SMG7: variants seen among roughly 807,000 people sequenced by gnomAD.
SMG7 encodes the protein SMG7 nonsense mediated mRNA decay factor.
A neutral mutation model predicts 148.2 loss-of-function variants in SMG7; 34 were observed. That is an observed-to-expected ratio of 0.23 (90% CI 0.17 to 0.31). The LOEUF (loss-of-function observed/expected upper bound fraction) is 0.31. Ranked by LOEUF, SMG7 falls within the 10% of genes least tolerant of loss-of-function variation. The pLI is 1.00. For synonymous variants in SMG7, 492 were observed against 515.1 expected (o/e 0.96, Z 0.61); for missense variants, 1,114 against 1,408.4 (o/e 0.79, Z 3.35).
At position 183,542,480 on chromosome 1, in the gene SMG7, G is replaced by A. The variant is rs1669049356; in HGVS notation, c.1820G>A (p.Gly607Glu). 1 of 1,613,340 alleles carries A rather than the reference G, an allele frequency of 6.2e-7. No homozygotes were observed. The highest frequency in any genetic ancestry group is 8.5e-7 in the Non-Finnish European group (1 of 1,179,764). Reference sequence around the variant, plus strand: ...ACCTTAGAAAAGTTACAGGAAACAGGAAAGCAGAATGTGGCAGTGCAGGTA... The same window carrying A: ...ACCTTAGAAAAGTTACAGGAAACAGAAAAGCAGAATGTGGCAGTGCAGGTA... Reference protein sequence around the residue: ...KCTLEKLQETGKQNVAVQVKS... With the variant: ...KCTLEKLQETEKQNVAVQVKS... Residue 607 changes from glycine (G) to glutamate (E), a missense_variant, in exon 14 of 23, where the codon GGA (glycine) becomes GAA (glutamate). Around this residue, in one of 4 missense-constraint regions of SMG7, gnomAD observed 788 missense variants for 894.5 expected, o/e 0.88. Coordinates refer to ENST00000688051, the MANE Select transcript of SMG7 (RefSeq NM_001375584.1).
chr1:183,508,187 A>C (rs1661352196), intron 1 of SMG7: 1 of 929,278 alleles, frequency 1.1e-6, no homozygotes, highest in African/African-American at 1.8e-5. Flanking sequence ...ATTGAGGTAT[A>C]GTATTTTTTT....
chr1:183,541,222 AAT>A, intron 13 of SMG7, 119 bp downstream of exon 13: 1 of 873,178 alleles, frequency 1.1e-6, no homozygotes, highest in Non-Finnish European at 1.8e-6. Context: ...CTTTGGTATA[AAT>A]ATTGTCAATC....
intron 1 of SMG7, among the ~76,000 whole-genome samples, chr1:183,477,730 A>G (rs1396980827): frequency 1.3e-5 from 2 of 150,080 alleles, no homozygotes; most frequent in African/African-American, 5.1e-5. Flanking sequence ...ATGTGTATAT[A>G]TGCATATATA....
At chr1:183,475,559 T>C (rs1215377472) in intron 1 of SMG7, among the ~76,000 whole-genome samples, 1 of 152,224 alleles carries the variant, frequency 6.6e-6, no homozygotes, top group Non-Finnish European at 1.5e-5. Context: ...GTAAGGTTGT[T>C]AGAGCCTGAC....
At position 183,542,317 on chromosome 1, in the gene SMG7, A is replaced by G; in HGVS notation, c.1657A>G (p.Thr553Ala). 1 of 1,614,136 alleles carries G rather than the reference A, an allele frequency of 6.2e-7. No individual in the cohort carries two copies. ...GGTTACCTTCAAAGAAAACATTAAG[A>G]CACGAGAAGTGAACAGAGACCAAGG... Reference protein sequence around the residue: ...PVVTFKENIKTREVNRDQGRS... With the variant: ...PVVTFKENIKAREVNRDQGRS... Residue 553 changes from threonine (T) to alanine (A), a missense_variant, in exon 14 of 23, where the codon ACA becomes GCA. By Grantham distance (58) the Thr-to-Ala change is moderately conservative. Around this residue, in one of 4 missense-constraint regions of SMG7, gnomAD observed 788 missense variants for 894.5 expected, o/e 0.88. Transcript: ENST00000688051.
At chr1:183,503,368 T>A (rs924419395) in intron 1 of SMG7, among the ~76,000 whole-genome samples, 12 of 152,224 alleles carry the variant, frequency 7.9e-5, no homozygotes, top group Non-Finnish European at 1.8e-4. Context: ...GGTCCAATTT[T>A]AAAAATGTAT....
intron 3 of SMG7, among the ~76,000 whole-genome samples, chr1:183,517,106 G>A (rs1411928792): frequency 6.6e-6 from 1 of 152,068 alleles, no homozygotes; most frequent in Non-Finnish European, 1.5e-5. Context: ...CAGGATTTTG[G>A]TATGCCATAT....
At chr1:183,482,894 TAAG>T (rs1654520451) in intron 1 of SMG7, among the ~76,000 whole-genome samples, 1 of 152,198 alleles carries the variant, frequency 6.6e-6, no homozygotes, top group East Asian at 1.9e-4. Flanking sequence ...CACCTTGAGA[TAAG>T]GAGGTAGAAT....
At chr1:183,497,548 T>G (rs1658784024) in intron 1 of SMG7, among the ~76,000 whole-genome samples, 1 of 152,152 alleles carries the variant, frequency 6.6e-6, no homozygotes, top group Admixed American at 6.5e-5. Flanking sequence ...TCTGGTTTAA[T>G]TTGTTAAATT....
chr1:183,474,711 T>C (rs1309135304), intron 1 of SMG7, among the ~76,000 whole-genome samples: 1 of 152,264 alleles, frequency 6.6e-6, no homozygotes, highest in Non-Finnish European at 1.5e-5. Context: ...AGTTGTTTTG[T>C]TGATCACCTG....
In SMG7 at chr1:183,540,968, C is replaced by G; in HGVS notation, c.1296-16C>G. ...AGCAATTTAATATTCTCATAACTTG[C>G]TTGTGTCAATTTTAGGAACTTGGAT... On this transcript the variant is annotated splice_polypyrimidine_tract_variant and intron_variant, in intron 12 of 22. Transcript: ENST00000688051. The G allele has an allele frequency of 1.2e-6, 2 of 1,610,440 alleles. No homozygotes were observed. The highest frequency in any genetic ancestry group is 1.7e-6 in the Non-Finnish European group (2 of 1,177,740).
chr1:183,537,863 C>G (rs1668077235), intron 11 of SMG7, among the ~76,000 whole-genome samples: 1 of 152,190 alleles, frequency 6.6e-6, no homozygotes, highest in African/African-American at 2.4e-5. Context: ...TAATGCTGCA[C>G]TGAACAACCT....
intron 16 of SMG7, 132 bp from the exon 17 acceptor site, chr1:183,545,834 A>G (rs966283083): frequency 2.8e-5 from 29 of 1,019,228 alleles, no homozygotes; most frequent in Middle Eastern, 2.5e-4. Flanking sequence ...CCAAAAGGTA[A>G]AGGAAACTGC....
intron 1 of SMG7, among the ~76,000 whole-genome samples, chr1:183,480,345 A>C (rs1299441627): frequency 6.6e-6 from 1 of 152,014 alleles, no homozygotes; most frequent in African/African-American, 2.4e-5. Context: ...AGTTTGCCCT[A>C]ACCTATGTTT....
rs1179543925 is a variant in SMG7 at position 183,526,612 on chromosome 1, G to T, written c.329G>T (p.Cys110Phe). 6.2e-7 allele frequency: 1 copy of T among 1,611,130 alleles called. No homozygotes were observed. The highest frequency in any genetic ancestry group is 8.5e-7 in the Non-Finnish European group (1 of 1,178,414). The stretch of plus-strand genomic sequence containing the variant: ...TTCTTTTAGTTATTACAAGAACTGT[G>T]TACAGTATTTAATGTAGATTTACCA... ...GFYTQLLQEL[C>F]TVFNVDLPCR... The change falls in exon 5 of 23, where the codon TGT (cysteine) becomes TTT (phenylalanine). Residue 110 changes from cysteine (C) to phenylalanine (F), a missense_variant. Cys to Phe is a radical substitution (Grantham distance 205). Around this residue, in one of 4 missense-constraint regions of SMG7, gnomAD observed 216 missense variants for 329.1 expected, o/e 0.66. Transcript: ENST00000688051.
chr1:183,546,798 T>C (rs1292777134), intron 17 of SMG7, among the ~76,000 whole-genome samples: 1 of 152,256 alleles, frequency 6.6e-6, no homozygotes, highest in Admixed American at 6.5e-5. Flanking sequence ...AAAAGATCTG[T>C]TTCTCTGTTA....
At chr1:183,505,452 T>C (rs1455107602) in intron 1 of SMG7, among the ~76,000 whole-genome samples, 1 of 152,198 alleles carries the variant, frequency 6.6e-6, no homozygotes, top group Non-Finnish European at 1.5e-5. Flanking sequence ...TGGAGTGTCT[T>C]TCATCTACTC....
intron 10 of SMG7, among the ~76,000 whole-genome samples, chr1:183,535,090 T>A (rs1267287857): frequency 6.6e-6 from 1 of 152,206 alleles, no homozygotes; most frequent in Admixed American, 6.5e-5. Flanking sequence ...TTTTCTACTC[T>A]TGTGTACTCT....
chr1:183,494,931 C>T (rs941557694), intron 1 of SMG7, among the ~76,000 whole-genome samples: 7 of 151,348 alleles, frequency 4.6e-5, no homozygotes, highest in Admixed American at 1.3e-4. Flanking sequence ...CGGGTTCAAG[C>T]GATTCTCCTG....
Sources: gnomAD v4.1 joint callset for allele counts (sites outside exome capture counted in the v4.1 genomes callset) on GRCh38, gnomAD v4.1.1 for gene constraint, gnomAD v4.1.1 regional missense constraint, MANE v1.5 for transcripts, NCBI Gene and HGNC (gene_info 2026-07-23, HGNC 2026-07-21) for gene names.